NEDD9: variants seen among roughly 807,000 people sequenced by gnomAD.
NEDD9 encodes the protein enhancer of filamentation 1.
A neutral mutation model predicts 76.6 loss-of-function variants in NEDD9; 26 were observed. The ratio of observed to expected loss-of-function variants is 0.34; its 90% confidence interval spans 0.25 to 0.47. The LOEUF is 0.47. Among genes scored for constraint, NEDD9 ranks in the 20% least tolerant of loss-of-function variants. The pLI, the probability that NEDD9 is intolerant of heterozygous loss-of-function variation, is 1.00. For missense variants in NEDD9, 937 were observed against 1,058.5 expected (o/e 0.89, Z 1.59); for synonymous variants, 392 against 414.2 (o/e 0.95, Z 0.65).
intron 3 of NEDD9, among the ~76,000 whole-genome samples, chr6:11,291,177 C>G (rs1760753200): frequency 6.6e-6 from 1 of 151,864 alleles, no homozygotes; most frequent in Non-Finnish European, 1.5e-5. Flanking sequence ...CTGCGGTTCA[C>G]TGCAGCACTA....
At chr6:11,186,779 G>A (rs1757991982) in intron 6 of NEDD9, among the ~76,000 whole-genome samples, 1 of 152,170 alleles carries the variant, frequency 6.6e-6, no homozygotes, top group East Asian at 1.9e-4. Flanking sequence ...CACCATGCCT[G>A]GCTAATTTTT....
intron 3 of NEDD9, among the ~76,000 whole-genome samples, chr6:11,290,190 C>T (rs1582001023): frequency 1.3e-5 from 2 of 152,192 alleles, no homozygotes; most frequent in South Asian, 2.1e-4. Context: ...TTGTTGGAAG[C>T]CTCTGTTGTT....
intron 1 of NEDD9, among the ~76,000 whole-genome samples, chr6:11,351,621 A>T (rs954898005): frequency 1.3e-5 from 2 of 152,180 alleles, no homozygotes; most frequent in African/African-American, 2.4e-5. Context: ...ACACAAGGAC[A>T]CAGAGGAGAA....
intron 3 of NEDD9, among the ~76,000 whole-genome samples, chr6:11,244,185 G>A (rs1156488780): frequency 4.6e-5 from 7 of 152,152 alleles, no homozygotes; most frequent in South Asian, 2.1e-4. Context: ...TCCACATGCT[G>A]TGGGTCTACC....
At chr6:11,332,906 A>C (rs1157189596) in intron 2 of NEDD9, among the ~76,000 whole-genome samples, 1 of 152,204 alleles carries the variant, frequency 6.6e-6, no homozygotes, top group African/African-American at 2.4e-5. Context: ...TAAATGCTGC[A>C]TAGAAGCGGT....
chr6:11,200,924 C>G lies in NEDD9; in HGVS notation c.460-7232G>C. 1 of 1,613,294 alleles carries G rather than the reference C, an allele frequency of 6.2e-7. No homozygotes were observed. Among genetic ancestry groups the G allele is most frequent in the East Asian group, 2.2e-5 (1 of 44,876 alleles). ...TATCCAAGAGAAAGACGGCAAGCCT[C>G]CAAACTCAGGACACTTTATTAAAAT... On this transcript the variant is annotated intron_variant, in intron 2 of 6. Coordinates refer to ENST00000379446, the MANE Select transcript of NEDD9 (RefSeq NM_006403.4).
intron 3 of NEDD9, among the ~76,000 whole-genome samples, chr6:11,244,641 T>C (rs1451780171): frequency 6.6e-6 from 1 of 152,226 alleles, no homozygotes; most frequent in Non-Finnish European, 1.5e-5. Context: ...GACATGTAAC[T>C]CAGAGTCAAT....
intron 1 of NEDD9, among the ~76,000 whole-genome samples, chr6:11,355,491 T>C (rs913296802): frequency 2.6e-5 from 4 of 152,186 alleles, no homozygotes; most frequent in Non-Finnish European, 4.4e-5. Context: ...GGTGACGAAT[T>C]CATCCTGGTT....
intron 3 of NEDD9, among the ~76,000 whole-genome samples, chr6:11,193,212 G>C (rs1047747674): frequency 6.6e-6 from 1 of 151,834 alleles, no homozygotes; most frequent in Non-Finnish European, 1.5e-5. Context: ...AGCTGAGGCA[G>C]GGGCAGGAGA....
At chr6:11,293,636 G>A (rs1002994837) in intron 3 of NEDD9, among the ~76,000 whole-genome samples, 11 of 152,142 alleles carry the variant, frequency 7.2e-5, no homozygotes, top group South Asian at 4.1e-4. Flanking sequence ...GTGTGTGTGC[G>A]TGTTGAGAAT....
chr6:11,318,870 C>T (rs1020887625), intron 2 of NEDD9, among the ~76,000 whole-genome samples: 23 of 152,144 alleles, frequency 1.5e-4, no homozygotes, highest in African/African-American at 4.1e-4. Flanking sequence ...TCTGATAACC[C>T]AGTTTTTAGG....
At chr6:11,199,992 T>C (rs960814042) in intron 2 of NEDD9, 6 of 176,964 alleles carry the variant, frequency 3.4e-5, no homozygotes, top group African/African-American at 1.4e-4. Context: ...TTCTTAATAG[T>C]GTCAAGAGTT....
intron 1 of NEDD9, among the ~76,000 whole-genome samples, chr6:11,372,686 C>T (rs1197238487): frequency 6.6e-6 from 1 of 152,168 alleles, no homozygotes; most frequent in Non-Finnish European, 1.5e-5. Flanking sequence ...GCATATAAGC[C>T]ATTTTAACTG....
intron 3 of NEDD9, among the ~76,000 whole-genome samples, chr6:11,255,597 G>A (rs1487731798): frequency 6.6e-6 from 1 of 152,132 alleles, no homozygotes; most frequent in East Asian, 1.9e-4. Flanking sequence ...GGGCATCCAA[G>A]GAAATGAAAG....
At chr6:11,341,647 G>A (rs1278590376) in intron 1 of NEDD9, among the ~76,000 whole-genome samples, 1 of 152,210 alleles carries the variant, frequency 6.6e-6, no homozygotes, top group African/African-American at 2.4e-5. Flanking sequence ...ATAGCCACAT[G>A]TGGCCAGCAG....
At chr6:11,317,078 G>A (rs560716990) in intron 2 of NEDD9, among the ~76,000 whole-genome samples, 1 of 152,304 alleles carries the variant, frequency 6.6e-6, no homozygotes, top group East Asian at 1.9e-4. Context: ...TTATAGTCAT[G>A]AGCCTAGAGC....
At chr6:11,306,991 T>G (rs1342230474) in intron 2 of NEDD9, among the ~76,000 whole-genome samples, 1 of 152,188 alleles carries the variant, frequency 6.6e-6, no homozygotes, top group East Asian at 1.9e-4. Context: ...GGGGTATATA[T>G]CCTTAGAAAA....
intron 3 of NEDD9, among the ~76,000 whole-genome samples, chr6:11,259,527 A>G (rs1760064420): frequency 6.6e-6 from 1 of 152,216 alleles, no homozygotes; most frequent in Non-Finnish European, 1.5e-5. Flanking sequence ...TATGTGTAAT[A>G]ATTTAATCTG....
At chr6:11,262,729 G>T (rs188222429) in intron 3 of NEDD9, among the ~76,000 whole-genome samples, 2 of 152,286 alleles carry the variant, frequency 1.3e-5, no homozygotes, top group African/African-American at 2.4e-5. Flanking sequence ...TTCATTAAAA[G>T]AATAAAATAA....
Sources: gnomAD v4.1 joint callset for allele counts (sites outside exome capture counted in the v4.1 genomes callset) on GRCh38, gnomAD v4.1.1 for gene constraint, MANE v1.5 for transcripts, NCBI Gene and HGNC (gene_info 2026-07-23, HGNC 2026-07-21) for gene names.